Variants in TNNI3K observed in about 807,000 individuals in gnomAD.
TNNI3K encodes the protein serine/threonine-protein kinase TNNI3K.
A neutral mutation model predicts 114.5 loss-of-function variants in TNNI3K; 140 were observed. That is an observed-to-expected ratio of 1.22 (90% CI 1.07 to 1.41). The LOEUF (loss-of-function observed/expected upper bound fraction) is 1.41, where lower values mean the gene tolerates loss of function less well. TNNI3K is among the 40% of genes most tolerant of loss of function. The pLI is 0.00. For missense variants in TNNI3K, 1,125 were observed against 1,007.6 expected (o/e 1.12, Z -1.58); for synonymous variants, 347 against 347.5 (o/e 1.00, Z 0.02).
At chr1:74,270,896 TA>T (rs1656300243) in intron 4 of TNNI3K, among the ~76,000 whole-genome samples, 1 of 142,094 alleles carries the variant, frequency 7.0e-6, no homozygotes, top group African/African-American at 3.1e-5. Context: ...TTATAAATAT[TA>T]TTTCATGTAT....
At chr1:74,370,201 A>G (rs1168802277) in intron 16 of TNNI3K, 87 bp from the exon 17 acceptor site, 28 of 1,178,380 alleles carry the variant, frequency 2.4e-5, no homozygotes, top group Non-Finnish European at 2.6e-5. Context: ...TTAAGATGAT[A>G]TAAAATAACA....
chr1:74,323,823 C>T (rs1172791725), intron 5 of TNNI3K, among the ~76,000 whole-genome samples: 1 of 152,016 alleles, frequency 6.6e-6, no homozygotes, highest in Middle Eastern at 3.2e-3. Context: ...AAAAGAATTA[C>T]AGGAAACAAA....
intron 9 of TNNI3K, among the ~76,000 whole-genome samples, chr1:74,350,354 C>T (rs1470719048): frequency 6.6e-6 from 1 of 152,108 alleles, no homozygotes; most frequent in African/African-American, 2.4e-5. Context: ...AATTTCTGTT[C>T]TTTTACATTT....
intron 23 of TNNI3K, among the ~76,000 whole-genome samples, chr1:74,529,989 G>T (rs1570747379): frequency 6.6e-6 from 1 of 152,136 alleles, no homozygotes; most frequent in East Asian, 1.9e-4. Flanking sequence ...TTTTGAGGCA[G>T]GGTCTTAATC....
At chr1:74,259,881 G>C (rs552092776) in intron 4 of TNNI3K, among the ~76,000 whole-genome samples, 74 of 152,210 alleles carry the variant, frequency 4.9e-4, no homozygotes, top group Non-Finnish European at 7.1e-4. Context: ...ACCCAGTCAA[G>C]TTGGCACCTA....
chr1:74,480,259 C>A, intron 21 of TNNI3K: 1 of 717,534 alleles, frequency 1.4e-6, no homozygotes, highest in South Asian at 1.5e-5. Flanking sequence ...CACAGTTGGT[C>A]TCAGACAGCC....
rs61729304 is a variant in TNNI3K, at chr1:74,472,080, A to G, written c.2121+8530A>G. 1.2e-3 allele frequency: 825 copies of G among 717,050 alleles called. 5 individuals carry two copies. In the African/African-American group the frequency reaches 0.013, roughly 11 times the overall value. 44.4% of individuals were successfully genotyped at this position (717,050 alleles called of 1,614,324 possible). On this transcript the variant is annotated intron_variant, in intron 21 of 24. Coordinates refer to ENST00000326637, the MANE Select transcript of TNNI3K (RefSeq NM_015978.3). ...GTCTTTGCCTATGAGGGTGTAAGCC[A>G]TTGTCTTCTTTTTCTATTGGAGGCT...
At chr1:74,394,517 T>G (rs1220151651) in intron 17 of TNNI3K, among the ~76,000 whole-genome samples, 1 of 152,228 alleles carries the variant, frequency 6.6e-6, no homozygotes, top group African/African-American at 2.4e-5. Flanking sequence ...CCCTGCTGGA[T>G]AGCTGATGCC....
In TNNI3K at chr1:74,331,365, G is replaced by A; in HGVS notation, c.445-85G>A. 4 of 1,392,656 alleles carry A rather than the reference G, an allele frequency of 2.9e-6. No individual in the cohort carries two copies. In the South Asian group the frequency reaches 5.6e-5, roughly 19 times the overall value. 86.3% of individuals were successfully genotyped at this position (1,392,656 alleles called of 1,614,324 possible). A position where few individuals can be genotyped will look rare whatever the true frequency, so the allele number is the denominator to read the frequency against. ...TTTTAGGGTGGCAACTCCTGATGAA[G>A]ATTTGTGCATGGTGGTTGTAAACTG... is the stretch of plus-strand genomic sequence containing the variant. On this transcript the variant is annotated intron_variant, in intron 5 of 24. Coordinates refer to ENST00000326637, the MANE Select transcript of TNNI3K (RefSeq NM_015978.3).
rs9727250 is a variant in TNNI3K at position 74,241,896 on chromosome 1, C to T, written c.149+5686C>T. Among the ~76,000 whole-genome samples, 652 of 146,924 alleles carry T rather than the reference C, an allele frequency of 4.4e-3. 4 individuals carry two copies. The highest frequency in any genetic ancestry group is 5.1e-3 in the Non-Finnish European group (342 of 67,520). On this transcript the variant is annotated intron_variant, in intron 2 of 24. Coordinates refer to ENST00000326637, the MANE Select transcript of TNNI3K (RefSeq NM_015978.3). ...ACGGAGTCTCGCTCTGTCGCCCAGGCTGGAGTGCAGTGGCGCGATCTAGGC... is the reference window on the plus strand; with the variant it reads ...ACGGAGTCTCGCTCTGTCGCCCAGGTTGGAGTGCAGTGGCGCGATCTAGGC...
chr1:74,341,865 G>A (rs201075453), intron 7 of TNNI3K: 2 of 152,274 alleles, frequency 1.3e-5, no homozygotes, highest in East Asian at 1.9e-4. Context: ...TGGAGCTACT[G>A]CCACCACTGC....
intron 9 of TNNI3K, among the ~76,000 whole-genome samples, chr1:74,343,701 G>A (rs1394067788): frequency 6.6e-6 from 1 of 152,130 alleles, no homozygotes; most frequent in Non-Finnish European, 1.5e-5. Context: ...GAAAGCATCA[G>A]CTCTTCTCTA....
At position 74,383,079 on chromosome 1, in the gene TNNI3K, T is replaced by A. The variant is rs1663285355; in HGVS notation, c.1772+12687T>A. ...TCTTTCTCTTTCTTTAATTTCTTTT[T>A]TTTTTTCTTTTCATACAAAGAATGT... On this transcript the variant is annotated intron_variant, in intron 17 of 24. Coordinates refer to ENST00000326637, the MANE Select transcript of TNNI3K (RefSeq NM_015978.3). Among the ~76,000 whole-genome samples, 2 of 152,076 alleles carry A rather than the reference T, an allele frequency of 1.3e-5. 1 individual carries two copies. The highest frequency in any genetic ancestry group is 4.1e-4 in the South Asian group (2 of 4,826).
intron 5 of TNNI3K, among the ~76,000 whole-genome samples, chr1:74,310,991 C>T (rs1371312472): frequency 6.6e-6 from 1 of 152,096 alleles, no homozygotes; most frequent in Non-Finnish European, 1.5e-5. Flanking sequence ...CAGAGCTAAC[C>T]TTAAGAAAGC....
intron 5 of TNNI3K, among the ~76,000 whole-genome samples, chr1:74,317,481 G>A (rs941405683): frequency 6.6e-6 from 1 of 152,144 alleles, no homozygotes; most frequent in Non-Finnish European, 1.5e-5. Flanking sequence ...CTGGGGAGAG[G>A]AAATCTAGGT....
intron 23 of TNNI3K, among the ~76,000 whole-genome samples, chr1:74,516,559 G>A (rs1209674201): frequency 6.6e-6 from 1 of 152,154 alleles, no homozygotes; most frequent in Non-Finnish European, 1.5e-5. Flanking sequence ...GAGCAATAGA[G>A]GATGAGGCTG....
At chr1:74,431,526 G>A (rs760075945) in intron 17 of TNNI3K, among the ~76,000 whole-genome samples, 1 of 152,090 alleles carries the variant, frequency 6.6e-6, no homozygotes, top group Non-Finnish European at 1.5e-5. Context: ...AGCCTTCGCA[G>A]CAGAGATAGT....
chr1:74,508,050 G>A (rs1034263234), intron 23 of TNNI3K, among the ~76,000 whole-genome samples: 2 of 152,204 alleles, frequency 1.3e-5, no homozygotes, highest in African/African-American at 4.8e-5. Flanking sequence ...TGTATACAAT[G>A]ACGGGCACAC....
intron 20 of TNNI3K, among the ~76,000 whole-genome samples, chr1:74,450,487 T>C (rs1666939912): frequency 6.6e-6 from 1 of 151,270 alleles, no homozygotes; most frequent in Admixed American, 6.6e-5. Context: ...AAATAGAAAA[T>C]GTTTATTATC....
Sources: allele counts gnomAD v4.1 joint callset (sites outside exome capture counted in the v4.1 genomes callset), GRCh38; gene constraint gnomAD v4.1.1; transcripts MANE v1.5; gene names NCBI Gene and HGNC (gene_info 2026-07-23, HGNC 2026-07-21).